RBFOX1: variants seen among roughly 807,000 people sequenced by gnomAD.
RBFOX1 encodes the protein RNA binding fox-1 homolog 1.
A neutral mutation model predicts 57.7 loss-of-function variants in RBFOX1; 8 were observed. That is an observed-to-expected ratio of 0.14 (90% CI 0.08 to 0.25). The LOEUF is 0.25. RBFOX1 is among the 10% of genes least tolerant of loss of function. The pLI is 1.00. For missense variants in RBFOX1, 611 were observed against 548.5 expected (o/e 1.11, Z -1.14); for synonymous variants, 326 against 222.4 (o/e 1.47, Z -4.15).
chr16:5,520,003 A>C (rs2043948687), intron 2 of RBFOX1, among the ~76,000 whole-genome samples: 1 of 152,236 alleles, frequency 6.6e-6, no homozygotes, highest in African/African-American at 2.4e-5. Context: ...TTGGAAGTGG[A>C]TATTAAAGGA....
intron 3 of RBFOX1, among the ~76,000 whole-genome samples, chr16:6,881,360 A>G (rs955331571): frequency 7.9e-5 from 12 of 152,176 alleles, no homozygotes; most frequent in Non-Finnish European, 1.3e-4. Flanking sequence ...GGCTAAAACA[A>G]CAAACAGTTA....
intron 4 of RBFOX1, among the ~76,000 whole-genome samples, chr16:7,094,497 C>T (rs1471648056): frequency 6.6e-6 from 1 of 152,142 alleles, no homozygotes; most frequent in African/African-American, 2.4e-5. Flanking sequence ...GGATAGAATA[C>T]ATCATTGCTT....
At chr16:6,545,317 C>T (rs535755995) in intron 2 of RBFOX1, among the ~76,000 whole-genome samples, 1 of 152,250 alleles carries the variant, frequency 6.6e-6, no homozygotes, top group South Asian at 2.1e-4. Context: ...CAATAAAAAC[C>T]CAAACGTAAA....
chr16:5,990,766 A>G (rs1482223533), intron 4 of RBFOX1, among the ~76,000 whole-genome samples: 2 of 152,204 alleles, frequency 1.3e-5, no homozygotes, highest in African/African-American at 4.8e-5. Context: ...TCAGGAGTTC[A>G]AGACCAGCCC....
chr16:5,950,489 T>G (rs2059497555), intron 4 of RBFOX1, among the ~76,000 whole-genome samples: 1 of 152,226 alleles, frequency 6.6e-6, no homozygotes, highest in Non-Finnish European at 1.5e-5. Context: ...TATTCTGATG[T>G]GAAAATGAGC....
chr16:7,433,727 C>T (rs1277154918), intron 4 of RBFOX1, among the ~76,000 whole-genome samples: 1 of 152,200 alleles, frequency 6.6e-6, no homozygotes, highest in Non-Finnish European at 1.5e-5. Flanking sequence ...TTCATCCACC[C>T]ATCCACCCAA....
At chr16:5,747,749 A>G (rs1278687548) in intron 3 of RBFOX1, among the ~76,000 whole-genome samples, 4 of 152,112 alleles carry the variant, frequency 2.6e-5, no homozygotes, top group South Asian at 2.1e-4. Context: ...TATTGTGTCT[A>G]TTTGATTCTT....
chr16:5,893,951 A>G (rs1203800158), intron 4 of RBFOX1, among the ~76,000 whole-genome samples: 1 of 152,228 alleles, frequency 6.6e-6, no homozygotes, highest in African/African-American at 2.4e-5. Flanking sequence ...TTCTAAGGAT[A>G]ATTTAGTTGC....
chr16:7,337,314 G>C (rs754565187), intron 4 of RBFOX1, among the ~76,000 whole-genome samples: 1 of 152,132 alleles, frequency 6.6e-6, no homozygotes, highest in Non-Finnish European at 1.5e-5. Context: ...TCTTAGAGTC[G>C]GGAAGAGGGT....
At chr16:6,102,709 C>G (rs1277247665) in intron 1 of RBFOX1, among the ~76,000 whole-genome samples, 2 of 152,156 alleles carry the variant, frequency 1.3e-5, no homozygotes, top group Non-Finnish European at 2.9e-5. Context: ...ATCATTTTCG[C>G]CTCGATTTCC....
At chr16:5,439,833 CCTT>C (rs147786328) in intron 1 of RBFOX1, among the ~76,000 whole-genome samples, 3,187 of 152,150 alleles carry the variant, frequency 0.021, 120 homozygotes, top group African/African-American at 0.073. Flanking sequence ...GCAAACATGT[CCTT>C]CTTCACATGG....
At chr16:7,156,952 A>C (rs1242027487) in intron 4 of RBFOX1, among the ~76,000 whole-genome samples, 1 of 152,228 alleles carries the variant, frequency 6.6e-6, no homozygotes, top group East Asian at 1.9e-4. Flanking sequence ...TCTTTACAGC[A>C]AAAAGTGCCT....
At chr16:7,043,209 C>T (rs2046771661) in intron 3 of RBFOX1, among the ~76,000 whole-genome samples, 1 of 152,148 alleles carries the variant, frequency 6.6e-6, no homozygotes, top group Non-Finnish European at 1.5e-5. Context: ...CCACTGCTTC[C>T]CGTCCTTCAG....
intron 1 of RBFOX1, among the ~76,000 whole-genome samples, chr16:6,248,858 GAA>G (rs1322820010): frequency 6.6e-6 from 1 of 152,114 alleles, no homozygotes; most frequent in Non-Finnish European, 1.5e-5. Context: ...GTCAACACAT[GAA>G]AAGAGCTTAC....
intron 4 of RBFOX1, among the ~76,000 whole-genome samples, chr16:7,220,804 C>T (rs1281143798): frequency 6.6e-6 from 1 of 152,110 alleles, no homozygotes; most frequent in Admixed American, 6.6e-5. Context: ...TTTAAATAGG[C>T]ATCTTGGTAT....
At chr16:5,909,608 T>C (rs2058561392) in intron 4 of RBFOX1, among the ~76,000 whole-genome samples, 1 of 152,144 alleles carries the variant, frequency 6.6e-6, no homozygotes, top group Non-Finnish European at 1.5e-5. Context: ...GTGAAGCCAC[T>C]GGAGAGCCTA....
chr16:6,279,398 G>A (rs1284712669), intron 1 of RBFOX1, among the ~76,000 whole-genome samples: 2 of 152,184 alleles, frequency 1.3e-5, no homozygotes, highest in Non-Finnish European at 2.9e-5. Context: ...TCCTGAGCAT[G>A]AGACGTTAAA....
intron 4 of RBFOX1, among the ~76,000 whole-genome samples, chr16:7,179,759 G>A (rs1452098027): frequency 6.6e-6 from 1 of 151,928 alleles, no homozygotes; most frequent in Non-Finnish European, 1.5e-5. Flanking sequence ...GTTTGAGATG[G>A]AGTCTTGCTC....
chr16:7,538,225 A>G (rs1233962972), intron 5 of RBFOX1, among the ~76,000 whole-genome samples: 1 of 152,156 alleles, frequency 6.6e-6, no homozygotes, highest in Non-Finnish European at 1.5e-5. Context: ...CCTGGGCTTC[A>G]CTTGAATGGT....
Sources: allele counts gnomAD v4.1 joint callset (sites outside exome capture counted in the v4.1 genomes callset), GRCh38; gene constraint gnomAD v4.1.1; transcripts MANE v1.5; gene names NCBI Gene and HGNC (gene_info 2026-07-23, HGNC 2026-07-21).